The following AUH variants were observed in gnomAD, a reference collection of about 807,000 sequenced individuals.
AUH encodes the protein AU RNA binding methylglutaconyl-CoA hydratase, also known as methylglutaconyl-CoA hydratase, mitochondrial.
Under a neutral mutation model 42.3 loss-of-function variants are expected in AUH, and 29 were observed. That is an observed-to-expected ratio of 0.69 (90% CI 0.51 to 0.93). AUH has a LOEUF of 0.93. Ranked by LOEUF, AUH falls within the 40% of genes least tolerant of loss-of-function variation. AUH has a pLI of 0.00. For synonymous variants in AUH, 174 were observed against 166.4 expected (o/e 1.05, Z -0.35); for missense variants, 452 against 438.1 (o/e 1.03, Z -0.28).
At chr9:91,263,628 A>G (rs542067933) in intron 6 of AUH, among the ~76,000 whole-genome samples, 17 of 152,332 alleles carry the variant, frequency 1.1e-4, no homozygotes, top group Non-Finnish European at 2.2e-4. Flanking sequence ...AATAAATCCA[A>G]TAACACTAGA....
At chr9:91,244,329 C>A (rs1045399415) in intron 6 of AUH, among the ~76,000 whole-genome samples, 3 of 152,196 alleles carry the variant, frequency 2.0e-5, no homozygotes, top group African/African-American at 7.2e-5. Flanking sequence ...TTGGCCAAAG[C>A]TGTCATAATA....
At chr9:91,246,061 G>A (rs1184961488) in intron 6 of AUH, among the ~76,000 whole-genome samples, 1 of 152,010 alleles carries the variant, frequency 6.6e-6, no homozygotes, top group Non-Finnish European at 1.5e-5. Flanking sequence ...ATTCGGTGGA[G>A]GCAGCCTGGG....
At chr9:91,351,191 G>T (rs1011430265) in intron 3 of AUH, among the ~76,000 whole-genome samples, 1 of 152,054 alleles carries the variant, frequency 6.6e-6, no homozygotes. Flanking sequence ...GGCTGGTCTT[G>T]AACTCCTAGG....
intron 6 of AUH, among the ~76,000 whole-genome samples, chr9:91,255,548 G>C (rs952691335): frequency 6.6e-6 from 1 of 151,688 alleles, no homozygotes; most frequent in African/African-American, 2.4e-5. Flanking sequence ...CTCACAGCAA[G>C]GGCTGATTAA....
At chr9:91,272,662 A>C (rs1388377390) in intron 6 of AUH, among the ~76,000 whole-genome samples, 1 of 152,194 alleles carries the variant, frequency 6.6e-6, no homozygotes, top group Non-Finnish European at 1.5e-5. Context: ...CTATGGTCTA[A>C]CATAGTATAT....
intron 4 of AUH, among the ~76,000 whole-genome samples, chr9:91,304,909 A>G (rs1828090676): frequency 6.6e-6 from 1 of 152,224 alleles, no homozygotes; most frequent in Admixed American, 6.5e-5. Flanking sequence ...AGTAGTCTCC[A>G]CTTACGTGCA....
At chr9:91,308,710 CATAA>C (rs1319169301) in intron 4 of AUH, among the ~76,000 whole-genome samples, 3 of 151,676 alleles carry the variant, frequency 2.0e-5, no homozygotes, top group African/African-American at 7.3e-5. Flanking sequence ...ACACAGTGAA[CATAA>C]ATAAACAATT....
chr9:91,324,904 A>G (rs978369889), intron 4 of AUH, among the ~76,000 whole-genome samples: 3 of 152,038 alleles, frequency 2.0e-5, no homozygotes, highest in African/African-American at 7.2e-5. Context: ...AAAATTTTGG[A>G]TAAGACTGGA....
intron 4 of AUH, among the ~76,000 whole-genome samples, chr9:91,323,490 A>G (rs1344035354): frequency 6.6e-6 from 1 of 151,962 alleles, no homozygotes; most frequent in East Asian, 1.9e-4. Flanking sequence ...GGGCATGGTC[A>G]TACGTGCCTG....
At chr9:91,361,490 A>T in intron 1 of AUH, 138 bp downstream of exon 1, 4 of 1,227,968 alleles carry the variant, frequency 3.3e-6, no homozygotes, top group Middle Eastern at 5.6e-4. Context: ...TAGGGAGGTG[A>T]GAAAGGGGAG....
Position 91,216,075 on chromosome 9 carries a change from T to G in AUH, c.926A>C (p.Glu309Ala), listed in dbSNP as rs749713024. The G allele has an allele frequency of 6.3e-5, 102 of 1,612,932 alleles. 3 individuals are homozygous for G. The South Asian group carries it at 1.1e-3, about 17-fold the overall frequency. ...ATTACATACCTGAGCATAACAAGCTTCTTCTATGGCTAACCCTGTTACTAA... is the reference window on the plus strand; with the variant it reads ...ATTACATACCTGAGCATAACAAGCTGCTTCTATGGCTAACCCTGTTACTAA... ...VDLVTGLAIE[E>A]ACYAQTIPTK... Residue 309 changes from glutamate to alanine, a missense_variant, in exon 9 of 10, where the codon GAA becomes GCA. Coordinates refer to ENST00000375731, the MANE Select transcript of AUH (RefSeq NM_001698.3).
intron 9 of AUH, among the ~76,000 whole-genome samples, chr9:91,215,121 G>A (rs1804931897): frequency 6.6e-6 from 1 of 152,180 alleles, no homozygotes; most frequent in Admixed American, 6.5e-5. Context: ...GAGTGCTCAT[G>A]CAGTTTCCAA....
At chr9:91,271,673 T>C (rs1327676924) in intron 6 of AUH, among the ~76,000 whole-genome samples, 1 of 152,228 alleles carries the variant, frequency 6.6e-6, no homozygotes, top group African/African-American at 2.4e-5. Context: ...ATACAAAATC[T>C]TCAATATGCT....
At chr9:91,259,058 GCTCT>G (rs1012149209) in intron 6 of AUH, among the ~76,000 whole-genome samples, 2 of 152,146 alleles carry the variant, frequency 1.3e-5, no homozygotes, top group Admixed American at 6.5e-5. Flanking sequence ...CTGGAAGTAT[GCTCT>G]CTATTTTCTG....
At chr9:91,215,797 G>C (rs1826787612) in intron 9 of AUH, among the ~76,000 whole-genome samples, 1 of 152,262 alleles carries the variant, frequency 6.6e-6, no homozygotes, top group Middle Eastern at 3.4e-3. Context: ...CATAAGCCTA[G>C]AGAGACAGCT....
intron 6 of AUH, among the ~76,000 whole-genome samples, chr9:91,225,545 T>TTA (rs1554690254): frequency 3.5e-3 from 532 of 151,700 alleles, no homozygotes; most frequent in Admixed American, 5.5e-3. Flanking sequence ...GTTCTTTTTT[T>TTA]TTATTATTAT....
At chr9:91,231,952 C>T (rs1217319102) in intron 6 of AUH, among the ~76,000 whole-genome samples, 1 of 152,180 alleles carries the variant, frequency 6.6e-6, no homozygotes, top group Non-Finnish European at 1.5e-5. Context: ...AAACAAAGAT[C>T]TCACAGCGAC....
chr9:91,288,154 T>C (rs1280763100), intron 6 of AUH, among the ~76,000 whole-genome samples: 1 of 151,938 alleles, frequency 6.6e-6, no homozygotes, highest in Non-Finnish European at 1.5e-5. Flanking sequence ...ATTACCTTAG[T>C]AATAATAAGG....
chr9:91,223,510 T>A (rs1827253199), intron 6 of AUH, among the ~76,000 whole-genome samples: 1 of 152,200 alleles, frequency 6.6e-6, no homozygotes, highest in South Asian at 2.1e-4. Context: ...TTGGCTATTG[T>A]GAATAATGCT....
Sources: allele counts gnomAD v4.1 joint callset (sites outside exome capture counted in the v4.1 genomes callset), GRCh38; gene constraint gnomAD v4.1.1; transcripts MANE v1.5; gene names NCBI Gene and HGNC (gene_info 2026-07-23, HGNC 2026-07-21).